The following PRPF6 variants were observed in gnomAD, a reference collection of about 807,000 sequenced individuals.
PRPF6 encodes the protein pre-mRNA-processing factor 6.
A neutral mutation model predicts 118.3 loss-of-function variants in PRPF6; 42 were observed. That is an observed-to-expected ratio of 0.35 (90% CI 0.28 to 0.46). The LOEUF is 0.46. Among genes scored for constraint, PRPF6 ranks in the 20% least tolerant of loss-of-function variants. The pLI, the probability that PRPF6 is intolerant of heterozygous loss-of-function variation, is 1.00. For synonymous variants in PRPF6, 481 were observed against 485.1 expected, an observed-to-expected ratio of 0.99 and a Z score of 0.11; for missense variants, 662 against 1,255.7, an observed-to-expected ratio of 0.53 and a Z score of 7.15.
chr20:64,011,832 A>G lies in PRPF6; in HGVS notation c.1524+329A>G, dbSNP rs1347677530. On this transcript the variant is annotated intron_variant, in intron 11 of 20. Transcript: ENST00000266079. The surrounding 1 kb of genome is among the most constrained non-coding windows in gnomAD (Gnocchi z 6.7). Reference sequence around the variant, plus strand: ...GCTTCTTTCTTTGCTAGTAGAAATGATACACCTACGAGAGGAGGACAGGAA... The same window carrying G: ...GCTTCTTTCTTTGCTAGTAGAAATGGTACACCTACGAGAGGAGGACAGGAA... Among the ~76,000 whole-genome samples the G allele has an allele frequency of 9.0e-6, 1 of 110,846 alleles. No homozygotes were observed. Among genetic ancestry groups the G allele is most frequent in the Non-Finnish European group, 1.9e-5 (1 of 52,860 alleles). The allele number at this position is 110,846 out of a possible 152,430, so 72.7% of individuals were successfully genotyped here. A position where few individuals can be genotyped will look rare whatever the true frequency, so the allele number is the denominator to read the frequency against.
At chr20:63,985,605 G>C (rs898607805) in intron 3 of PRPF6, among the ~76,000 whole-genome samples, 1 of 152,146 alleles carries the variant, frequency 6.6e-6, no homozygotes, top group African/African-American at 2.4e-5. Flanking sequence ...TACCATCTTT[G>C]AAATGAAAAG....
chr20:63,991,315 C>A (rs1299727379), intron 3 of PRPF6, among the ~76,000 whole-genome samples: 1 of 151,518 alleles, frequency 6.6e-6, no homozygotes, highest in Non-Finnish European at 1.5e-5. Context: ...AGCTACATTC[C>A]CAAGGCTGAG....
chr20:64,019,749 C>A (rs2059254586), intron 12 of PRPF6, among the ~76,000 whole-genome samples: 1 of 152,252 alleles, frequency 6.6e-6, no homozygotes, highest in African/African-American at 2.4e-5. Context: ...TGCTCCTGGT[C>A]AGGACACAGT....
chr20:63,990,388 G>A (rs1404167486), intron 3 of PRPF6, among the ~76,000 whole-genome samples: 2 of 151,956 alleles, frequency 1.3e-5, no homozygotes, highest in African/African-American at 2.4e-5. Context: ...GCCTGGCCTG[G>A]ACATCTTTTT....
Position 64,026,509 on chromosome 20 carries a change from A to G in PRPF6, c.2028+451A>G, listed in dbSNP as rs987911156. ...CAGCAAGAGGGAAACTGTCTCAGCA[A>G]CAACAACAACAACAAACATGTTCAT... On this transcript the variant is annotated intron_variant, in intron 15 of 20. Coordinates refer to ENST00000266079, the MANE Select transcript of PRPF6 (RefSeq NM_012469.4). This position sits in a 1 kb window ranked among gnomAD's most constrained non-coding sequence, Gnocchi z 4.4. Among the ~76,000 whole-genome samples the G allele has an allele frequency of 4.0e-5, 6 of 149,534 alleles. 1 individual carries two copies. The highest frequency in any genetic ancestry group is 3.3e-4 in the Admixed American group (5 of 15,026).
chr20:63,985,586 C>T (rs1276514107), intron 3 of PRPF6, among the ~76,000 whole-genome samples: 2 of 152,164 alleles, frequency 1.3e-5, no homozygotes, highest in Admixed American at 6.5e-5. Flanking sequence ...TTTTACGATA[C>T]ATCAGGGTTA....
At chr20:64,025,271 G>A (rs2059283878) in intron 14 of PRPF6, among the ~76,000 whole-genome samples, 1 of 152,172 alleles carries the variant, frequency 6.6e-6, no homozygotes, top group Admixed American at 6.5e-5. Context: ...TCACTCCTGT[G>A]AGTAACTGCA....
In PRPF6 at chr20:64,021,988, C is replaced by CTGTGTGTGTG. The variant is rs111363019; in HGVS notation, c.1648-750_1648-741dup. 9.2e-4 allele frequency among the ~76,000 whole-genome samples: 125 copies of CTGTGTGTGTG among 135,836 alleles called. 1 individual carries two copies. The highest frequency in any genetic ancestry group is 6.4e-3 in the South Asian group (27 of 4,246). 89.1% of individuals were successfully genotyped at this position (135,836 alleles called of 152,430 possible). ...GTATGCATATGCCTCGGCCACAGCC[C>CTGTGTGTGTG]TGTGTGTGTGTGTGTGTGTGTGTGT... On this transcript the variant is annotated intron_variant, in intron 12 of 20. Coordinates refer to ENST00000266079, the MANE Select transcript of PRPF6 (RefSeq NM_012469.4).
chr20:64,011,351 G>A lies in PRPF6; in HGVS notation c.1372G>A (p.Glu458Lys). ...CCGCAAGGTCTTGAACAAGGCGCGGGAGAACATTCCTACAGACCGACATAT... is the reference window on the plus strand; with the variant it reads ...CCGCAAGGTCTTGAACAAGGCGCGGAAGAACATTCCTACAGACCGACATAT... ...NARKVLNKAR[E>K]NIPTDRHIWI... Residue 458 changes from glutamate (E) to lysine (K), a missense_variant, in exon 11 of 21, where the codon GAG (glutamate) becomes AAG (lysine). By Grantham distance (56) the Glu-to-Lys change is moderately conservative. Around this residue, in one of 10 missense-constraint regions of PRPF6, gnomAD observed 189 missense variants for 323.5 expected, o/e 0.58. Transcript: ENST00000266079. This position sits in a 1 kb window ranked among gnomAD's most constrained non-coding sequence, Gnocchi z 6.7. 6.2e-7 allele frequency: 1 copy of A among 1,614,212 alleles called. No homozygotes were observed. Among genetic ancestry groups the A allele is most frequent in the Non-Finnish European group, 8.5e-7 (1 of 1,180,046 alleles).
At position 64,032,020 on chromosome 20, in the gene PRPF6, G is replaced by A. The variant is rs2037908386; in HGVS notation, c.2649G>A (p.Lys883=). ...GGGATGCCTGGGCCTTCTTCTACAAGTTTGAGCTGCAGCATGGCACTGAGG... is the reference window on the plus strand; with the variant it reads ...GGGATGCCTGGGCCTTCTTCTACAAATTTGAGCTGCAGCATGGCACTGAGG... ...DLGDAWAFFY[K]FELQHGTEEQ... Residue 883 remains lysine (K), a synonymous_variant, in exon 20 of 21, where the codon AAG becomes AAA. Transcript: ENST00000266079. 3.1e-6 allele frequency: 5 copies of A among 1,614,134 alleles called. No individual in the cohort carries two copies. The highest frequency in any genetic ancestry group is 4.2e-6 in the Non-Finnish European group (5 of 1,180,030).
In PRPF6 at chr20:64,028,524, G is replaced by A; in HGVS notation, c.2386G>A (p.Ala796Thr). The part of the protein sequence containing the change: ...LEYRAGLKNI[A>T]NTLMAKALQE... ...GTACCGTGCGGGGCTGAAGAACATCGCAAATACACTCATGGCCAAGGCGCT... is the reference window on the plus strand; with the variant it reads ...GTACCGTGCGGGGCTGAAGAACATCACAAATACACTCATGGCCAAGGCGCT... Residue 796 changes from alanine (A) to threonine (T), a missense_variant, in exon 18 of 21, where the codon GCA (alanine) becomes ACA (threonine). Physicochemically the swap from Ala to Thr is moderately conservative, Grantham distance 58 (BLOSUM62 0). Around this residue, in one of 10 missense-constraint regions of PRPF6, gnomAD observed 244 missense variants for 383.7 expected, o/e 0.64. Coordinates refer to ENST00000266079, the MANE Select transcript of PRPF6 (RefSeq NM_012469.4). The surrounding 1 kb of genome is among the most constrained non-coding windows in gnomAD (Gnocchi z 6.5). 6.2e-7 allele frequency: 1 copy of A among 1,613,810 alleles called. No homozygotes were observed. Among genetic ancestry groups the A allele is most frequent in the African/African-American group, 1.3e-5 (1 of 75,028 alleles).
chr20:63,991,559 A>AG (rs1569212712), intron 3 of PRPF6, among the ~76,000 whole-genome samples: 3 of 152,128 alleles, frequency 2.0e-5, no homozygotes, highest in African/African-American at 7.2e-5. Flanking sequence ...TGGGAGGCCG[A>AG]GGCGGGCAGA....
chr20:64,032,113 G>T, intron 20 of PRPF6, 69 bp downstream of exon 20: 1 of 1,609,080 alleles, frequency 6.2e-7, no homozygotes, highest in Non-Finnish European at 8.5e-7. Context: ...GCCAGCCCTG[G>T]GGGCTCTAGG....
intron 12 of PRPF6, among the ~76,000 whole-genome samples, chr20:64,017,805 A>T (rs1439470710): frequency 6.6e-6 from 1 of 152,154 alleles, no homozygotes; most frequent in African/African-American, 2.4e-5. Context: ...TTTGGTGTGT[A>T]TTTCTTTAAA....
intron 12 of PRPF6, among the ~76,000 whole-genome samples, chr20:64,022,108 C>T (rs577669110): frequency 4.6e-5 from 7 of 152,386 alleles, no homozygotes; most frequent in Admixed American, 1.3e-4. Flanking sequence ...GTGCACCTCT[C>T]GCAGGCCAAG....
Position 64,027,454 on chromosome 20 carries a change from C to T in PRPF6, c.2206-149C>T. On this transcript the variant is annotated intron_variant, in intron 16 of 20. Transcript: ENST00000266079. The surrounding 1 kb of genome is among the most constrained non-coding windows in gnomAD (Gnocchi z 6.5). ...ACAGCACCACCGCACACCTGTACAC[C>T]CACAAATGCAGAGTGTGAGGGGTGT... 2.5e-6 allele frequency: 3 copies of T among 1,208,850 alleles called. No individual in the cohort carries two copies. The highest frequency in any genetic ancestry group is 3.7e-6 in the Non-Finnish European group (3 of 820,150). 74.9% of individuals were successfully genotyped at this position (1,208,850 alleles called of 1,614,324 possible).
chr20:64,007,150 C>T (rs554583888), intron 9 of PRPF6, among the ~76,000 whole-genome samples: 2 of 152,248 alleles, frequency 1.3e-5, no homozygotes, highest in East Asian at 3.8e-4. Context: ...CACACCATCT[C>T]CTGGGTGCCA....
At chr20:63,998,629 C>G (rs1444947040) in intron 6 of PRPF6, among the ~76,000 whole-genome samples, 1 of 149,664 alleles carries the variant, frequency 6.7e-6, no homozygotes, top group Non-Finnish European at 1.5e-5. Context: ...ATCACGAGGT[C>G]AGGAGATCGA....
chr20:64,003,793 T>C (rs1191913346), intron 9 of PRPF6, among the ~76,000 whole-genome samples: 1 of 151,818 alleles, frequency 6.6e-6, no homozygotes, highest in Non-Finnish European at 1.5e-5. Flanking sequence ...AGAGATGGGG[T>C]TTCACCATGT....
Sources: gnomAD v4.1 joint callset for allele counts (sites outside exome capture counted in the v4.1 genomes callset) on GRCh38, gnomAD v4.1.1 for gene constraint, gnomAD v4.1.1 regional missense constraint, Gnocchi (gnomAD v3.1) non-coding constraint, MANE v1.5 for transcripts, NCBI Gene and HGNC (gene_info 2026-07-23, HGNC 2026-07-21) for gene names.